KATNBL1: variants seen among roughly 807,000 people sequenced by gnomAD.
KATNBL1 encodes KATNB1-like protein 1.
Under a neutral mutation model 44.7 loss-of-function variants are expected in KATNBL1, and 28 were observed. The observed-to-expected ratio is 0.63, with a 90% CI of 0.46 to 0.86. KATNBL1 has a LOEUF of 0.86. Ranked by LOEUF, KATNBL1 falls within the 40% of genes least tolerant of loss-of-function variation. KATNBL1 has a pLI of 0.00. For synonymous variants in KATNBL1, 78 were observed against 114.9 expected (o/e 0.68, Z 2.06); for missense variants, 272 against 350.7 (o/e 0.78, Z 1.79).
At chr15:34,156,069 G>C (rs762788613) in intron 2 of KATNBL1, among the ~76,000 whole-genome samples, 1 of 152,218 alleles carries the variant, frequency 6.6e-6, no homozygotes, top group Non-Finnish European at 1.5e-5. Flanking sequence ...TTACTAGGCA[G>C]AGTGTCCAGC....
At chr15:34,172,256 C>CTTTTTTTTTTTTTTT (rs59733560) in intron 1 of KATNBL1, among the ~76,000 whole-genome samples, 5 of 96,614 alleles carry the variant, frequency 5.2e-5, no homozygotes, top group Non-Finnish European at 9.6e-5. Context: ...GGAACATATT[C>CTTTTTTTTTTTTTTT]TTTTTTTTTT....
intron 1 of KATNBL1, among the ~76,000 whole-genome samples, chr15:34,181,604 G>A (rs8037852): frequency 2.6e-4 from 6 of 22,974 alleles, no homozygotes; most frequent in African/African-American, 4.8e-4. Flanking sequence ...ACATATATAT[G>A]TCCATATATA....
chr15:34,193,216 C>A (rs1416054723), intron 1 of KATNBL1, among the ~76,000 whole-genome samples: 177 of 66,322 alleles, frequency 2.7e-3, no homozygotes, highest in African/African-American at 6.6e-3. Flanking sequence ...GACTCCGTCT[C>A]AAAAAAAAAA....
At chr15:34,196,956 T>C (rs766070006) in intron 1 of KATNBL1, among the ~76,000 whole-genome samples, 1 of 152,238 alleles carries the variant, frequency 6.6e-6, no homozygotes, top group African/African-American at 2.4e-5. Flanking sequence ...TTACAATTAA[T>C]TTCATGGAAA....
At chr15:34,201,828 C>T (rs1298947540) in intron 1 of KATNBL1, among the ~76,000 whole-genome samples, 1 of 152,098 alleles carries the variant, frequency 6.6e-6, no homozygotes, top group Non-Finnish European at 1.5e-5. Flanking sequence ...AATTCCCAAT[C>T]AAAACTATTT....
chr15:34,154,561 A>G, intron 3 of KATNBL1, 83 bp downstream of exon 3: 1 of 846,540 alleles, frequency 1.2e-6, no homozygotes, highest in South Asian at 1.4e-5. Context: ...ATTATGATAA[A>G]AGAATGCTTA....
chr15:34,184,117 C>T (rs148834872), intron 1 of KATNBL1, among the ~76,000 whole-genome samples: 1,961 of 152,250 alleles, frequency 0.013, 9 homozygotes, highest in Non-Finnish European at 0.02. Flanking sequence ...TCCTGGCTAA[C>T]CCGGTGAAAC....
chr15:34,183,807 G>A (rs1470881174), intron 1 of KATNBL1, among the ~76,000 whole-genome samples: 1 of 152,214 alleles, frequency 6.6e-6, no homozygotes, highest in Non-Finnish European at 1.5e-5. Flanking sequence ...CCATTTATGA[G>A]AAGAGGGCAA....
intron 1 of KATNBL1, among the ~76,000 whole-genome samples, chr15:34,186,019 TC>T (rs920577138): frequency 6.6e-6 from 1 of 151,968 alleles, no homozygotes; most frequent in Non-Finnish European, 1.5e-5. Flanking sequence ...ATCGGGAGGG[TC>T]AATTTCTATG....
intron 8 of KATNBL1, chr15:34,146,488 A>AATATGAG (rs1263157102): frequency 3.2e-6 from 1 of 310,324 alleles, no homozygotes; most frequent in African/African-American, 2.2e-5. Context: ...ACTCATAATG[A>AATATGAG]ATATGAGAAT....
chr15:34,182,198 T>C (rs1452367121), intron 1 of KATNBL1, among the ~76,000 whole-genome samples: 1 of 152,110 alleles, frequency 6.6e-6, no homozygotes, highest in Non-Finnish European at 1.5e-5. Context: ...AAGGGCTGAA[T>C]GTATAAACAG....
chr15:34,208,256 T>C (rs1000480830), intron 1 of KATNBL1, among the ~76,000 whole-genome samples: 5 of 152,176 alleles, frequency 3.3e-5, no homozygotes. Context: ...CCTCCCACTC[T>C]CTTTCTACCA....
At chr15:34,146,546 C>T in intron 8 of KATNBL1, 1 of 475,110 alleles carries the variant, frequency 2.1e-6, no homozygotes, top group Non-Finnish European at 3.8e-6. Context: ...AGGGTTGTGC[C>T]AGAAGAAGAG....
chr15:34,195,848 A>T (rs908967919), intron 1 of KATNBL1, among the ~76,000 whole-genome samples: 4 of 152,218 alleles, frequency 2.6e-5, no homozygotes, highest in African/African-American at 9.7e-5. Context: ...AGTTATGGCG[A>T]CATGGAAATT....
At chr15:34,175,113 AACACACACACACACACACACAC>A (rs71119940) in intron 1 of KATNBL1, among the ~76,000 whole-genome samples, 8 of 143,770 alleles carry the variant, frequency 5.6e-5, no homozygotes, top group Admixed American at 2.8e-4. Flanking sequence ...TAAAATAAGC[AACACACACACACACACACACAC>A]ACACACACAC....
intron 1 of KATNBL1, among the ~76,000 whole-genome samples, chr15:34,187,334 C>T (rs1412125626): frequency 1.3e-5 from 2 of 152,132 alleles, no homozygotes; most frequent in Non-Finnish European, 2.9e-5. Flanking sequence ...AGAGGAGCTA[C>T]ACACTCCTCT....
intron 1 of KATNBL1, among the ~76,000 whole-genome samples, chr15:34,176,309 C>T (rs193245675): frequency 1.3e-5 from 2 of 151,778 alleles, no homozygotes; most frequent in African/African-American, 2.4e-5. Flanking sequence ...ACCCGGGAGG[C>T]GGAGTTTGCA....
intron 1 of KATNBL1, among the ~76,000 whole-genome samples, chr15:34,194,333 G>T (rs1295810517): frequency 6.6e-6 from 1 of 152,066 alleles, no homozygotes; most frequent in Non-Finnish European, 1.5e-5. Flanking sequence ...TTAGGGCCAG[G>T]TGCAGTGGGT....
chr15:34,202,025 A>G (rs1890187371), intron 1 of KATNBL1, among the ~76,000 whole-genome samples: 1 of 152,210 alleles, frequency 6.6e-6, no homozygotes, highest in Admixed American at 6.5e-5. Context: ...ACCACTTTAT[A>G]TCAGGGATTT....
Sources: allele counts gnomAD v4.1 joint callset (sites outside exome capture counted in the v4.1 genomes callset), GRCh38; gene constraint gnomAD v4.1.1; transcripts MANE v1.5; gene names NCBI Gene and HGNC (gene_info 2026-07-23, HGNC 2026-07-21).